VANGL1: variants seen among roughly 807,000 people sequenced by gnomAD.
VANGL1 encodes VANGL planar cell polarity protein 1, also known as vang-like protein 1.
A neutral mutation model predicts 48.4 loss-of-function variants in VANGL1; 18 were observed. The observed-to-expected ratio is 0.37, with a 90% CI of 0.26 to 0.55. The LOEUF is 0.55. VANGL1 is among the 20% of genes least tolerant of loss of function. VANGL1 has a pLI of 0.81. For missense variants in VANGL1, 667 were observed against 675.8 expected (o/e 0.99, Z 0.14); for synonymous variants, 257 against 261.8 (o/e 0.98, Z 0.18).
intron 4 of VANGL1, among the ~76,000 whole-genome samples, chr1:115,676,076 T>C (rs1385845245): frequency 1.3e-5 from 2 of 152,220 alleles, no homozygotes; most frequent in Admixed American, 1.3e-4. Context: ...CATTATAGTT[T>C]ATAAATGCCT....
At chr1:115,645,683 A>T (rs1381353987) in intron 1 of VANGL1, among the ~76,000 whole-genome samples, 2 of 152,244 alleles carry the variant, frequency 1.3e-5, no homozygotes, top group Admixed American at 6.5e-5. Flanking sequence ...CCATTTAATT[A>T]AGAATGGGTA....
chr1:115,690,373 C>T (rs1361825565), intron 7 of VANGL1, among the ~76,000 whole-genome samples: 1 of 152,188 alleles, frequency 6.6e-6, no homozygotes. Context: ...AGGAACAGCA[C>T]ATGTATCAGA....
chr1:115,643,858 C>T lies in VANGL1; in HGVS notation c.-138+1772C>T, dbSNP rs1223918825. ...ATCATCCCCTTAACACACTTATATACACACACTGTGCTTGCTACCCTAGGC... is the reference window on the plus strand; with the variant it reads ...ATCATCCCCTTAACACACTTATATATACACACTGTGCTTGCTACCCTAGGC... On this transcript the variant is annotated intron_variant, in intron 1 of 7. Coordinates refer to ENST00000355485, the MANE Select transcript of VANGL1 (RefSeq NM_138959.3). Among the ~76,000 whole-genome samples the T allele has an allele frequency of 2.0e-5, 3 of 152,302 alleles. No homozygotes were observed. In the East Asian group the frequency reaches 5.8e-4, roughly 29 times the overall value.
In VANGL1 at chr1:115,642,019, A is replaced by T. The variant is rs1470571580; in HGVS notation, c.-205A>T. On this transcript the variant is annotated 5_prime_UTR_variant, in exon 1 of 8. Transcript: ENST00000355485. ...CTCTGCCTCTCCAGGAGCCCAGCGC[A>T]GGCCGCAGAGCCGGGGCCGCTGTGA... The T allele has an allele frequency of 6.6e-6, 1 of 151,092 alleles. No individual in the cohort carries two copies. Among genetic ancestry groups the T allele is most frequent in the Non-Finnish European group, 1.5e-5 (1 of 67,622 alleles). 9.4% of individuals were successfully genotyped at this position (151,092 alleles called of 1,614,324 possible). A position where few individuals can be genotyped will look rare whatever the true frequency, so the allele number is the denominator to read the frequency against.
In VANGL1 at chr1:115,679,504, G is replaced by A. The variant is rs568257160; in HGVS notation, c.813-2860G>A. Among the ~76,000 whole-genome samples, 38 of 152,328 alleles carry A rather than the reference G, an allele frequency of 2.5e-4. 2 individuals carry two copies. The South Asian group carries it at 6.2e-3, about 25-fold the overall frequency. ...TTTGGAGAGCATCTGCTGAGGCCCC[G>A]TGCTGGAAGGCGGTGGGCCGGGAGC... is the stretch of plus-strand genomic sequence containing the variant. On this transcript the variant is annotated intron_variant, in intron 4 of 7. Transcript: ENST00000355485.
rs1339559930 is a variant in VANGL1 at position 115,697,462 on chromosome 1, G to A, written c.*6083G>A. The A allele has an allele frequency of 6.6e-6, 1 of 152,128 alleles. No homozygotes were observed. The highest frequency in any genetic ancestry group is 1.5e-5 in the Non-Finnish European group (1 of 68,016). The allele number at this position is 152,128 out of a possible 1,614,324, so 9.4% of individuals were successfully genotyped here. A position where few individuals can be genotyped will look rare whatever the true frequency, so the allele number is the denominator to read the frequency against. On this transcript the variant is annotated 3_prime_UTR_variant, in exon 8 of 8. Transcript: ENST00000355485. ...GGACCCCTAAGTTATGGCGTGATTA[G>A]CCAAATTTGATTTCCAACAGTCATT...
In VANGL1 at chr1:115,685,419, C is replaced by T. The variant is rs1371347871; in HGVS notation, c.1206C>T (p.Ala402=). Residue 402 remains alanine, a synonymous_variant, in exon 7 of 8, where the codon GCC becomes GCT. Transcript: ENST00000355485. ...CCCAGGCCATTTTCCCCTCCATGGC[C>T]AGGGCTCTCCAGAAGTACCTGCGCA... is the stretch of plus-strand genomic sequence containing the variant. ...EAAQAIFPSM[A]RALQKYLRIT... 6.2e-7 allele frequency: 1 copy of T among 1,614,048 alleles called. No homozygotes were observed. Among genetic ancestry groups the T allele is most frequent in the Admixed American group, 1.7e-5 (1 of 60,006 alleles).
At chr1:115,688,656 T>C (rs1653724158) in intron 7 of VANGL1, among the ~76,000 whole-genome samples, 1 of 138,508 alleles carries the variant, frequency 7.2e-6, no homozygotes, top group Non-Finnish European at 1.6e-5. Flanking sequence ...GGGTGTACTT[T>C]TGCATGCTTT....
chr1:115,673,688 C>T (rs1397506571), intron 4 of VANGL1, among the ~76,000 whole-genome samples: 1 of 148,708 alleles, frequency 6.7e-6, no homozygotes, highest in Admixed American at 6.8e-5. Context: ...CAACCTCTGT[C>T]TCCCAGGTTC....
In VANGL1 at chr1:115,691,992, A is replaced by G. The variant is rs887940786; in HGVS notation, c.*613A>G. 3.9e-5 allele frequency: 6 copies of G among 152,900 alleles called. No homozygotes were observed. The highest frequency in any genetic ancestry group is 3.9e-4 in the Admixed American group (6 of 15,296). 9.5% of individuals were successfully genotyped at this position (152,900 alleles called of 1,614,324 possible). A position where few individuals can be genotyped will look rare whatever the true frequency, so the allele number is the denominator to read the frequency against. On this transcript the variant is annotated 3_prime_UTR_variant, in exon 8 of 8. Transcript: ENST00000355485. The stretch of plus-strand genomic sequence containing the variant: ...TTGATTTTGTTTTTTTCCCAAAGAG[A>G]AAACCTACCTGCCCTGTTTCTGATC...
rs4839472 is a variant in VANGL1 at position 115,694,875 on chromosome 1, T to A, written c.*3496T>A. ...TGTGTAGCTCAGCAGATACGTGTCA[T>A]TGTGTATATAGCTGAGTGTGTGAGG... On this transcript the variant is annotated 3_prime_UTR_variant, in exon 8 of 8. Transcript: ENST00000355485. 0.31 allele frequency: 47,711 copies of A among 152,098 alleles called. 7,609 individuals carry two copies. Among genetic ancestry groups the A allele is most frequent in the Admixed American group, 0.38 (5,855 of 15,278 alleles). The allele number at this position is 152,098 out of a possible 1,614,324, so 9.4% of individuals were successfully genotyped here.
At position 115,663,724 on chromosome 1, in the gene VANGL1, G is replaced by A. The variant is rs753324964; in HGVS notation, c.268G>A (p.Glu90Lys). Residue 90 changes from glutamate (E) to lysine (K), a missense_variant, in exon 4 of 8, where the codon GAG (glutamate) becomes AAG (lysine). By Grantham distance (56) the Glu-to-Lys change is moderately conservative. Transcript: ENST00000355485. ...TGTSEHSISQEDIARISKDME... is the reference protein window; with the variant it reads ...TGTSEHSISQKDIARISKDME... ...CACCTCGGAGCACAGCATATCCCAA[G>A]AGGACATTGCCAGGATCAGCAAGGA... The A allele has an allele frequency of 1.9e-6, 3 of 1,614,204 alleles. No homozygotes were observed. The highest frequency in any genetic ancestry group is 2.5e-6 in the Non-Finnish European group (3 of 1,180,034).
In VANGL1 at chr1:115,663,592, G is replaced by A; in HGVS notation, c.205-69G>A. 3.1e-6 allele frequency: 5 copies of A among 1,609,824 alleles called. No homozygotes were observed. In the South Asian group the frequency reaches 3.3e-5, roughly 11 times the overall value. On this transcript the variant is annotated intron_variant, in intron 3 of 7. Transcript: ENST00000355485. ...TGGGTAGATGCAGCGGGCCCTGCAT[G>A]TTCACTGCCCTTTGTAGCTTTTACA...
intron 3 of VANGL1, among the ~76,000 whole-genome samples, chr1:115,660,274 G>A (rs1020471462): frequency 2.0e-5 from 3 of 152,186 alleles, no homozygotes; most frequent in African/African-American, 7.2e-5. Context: ...CTAGCTTTGG[G>A]TTAACAGCAA....
chr1:115,664,666 C>G (rs1652704827), intron 4 of VANGL1, among the ~76,000 whole-genome samples: 1 of 152,146 alleles, frequency 6.6e-6, no homozygotes, highest in African/African-American at 2.4e-5. Context: ...CATGTTGTCC[C>G]AGTGGAATAA....
intron 4 of VANGL1, among the ~76,000 whole-genome samples, chr1:115,675,611 C>A (rs1653132314): frequency 6.6e-6 from 1 of 151,606 alleles, no homozygotes; most frequent in African/African-American, 2.4e-5. Context: ...ACCAGCCTGG[C>A]CAACATGGCG....
At chr1:115,676,432 T>C (rs1570763011) in intron 4 of VANGL1, among the ~76,000 whole-genome samples, 1 of 152,146 alleles carries the variant, frequency 6.6e-6, no homozygotes, top group Non-Finnish European at 1.5e-5. Flanking sequence ...CTGGAGGAGG[T>C]TGGTACAGGC....
At position 115,685,500 on chromosome 1, in the gene VANGL1, C is replaced by G; in HGVS notation, c.1287C>G (p.Phe429Leu). The G allele has an allele frequency of 3.7e-6, 6 of 1,614,120 alleles. No individual in the cohort carries two copies. The highest frequency in any genetic ancestry group is 5.1e-6 in the Non-Finnish European group (6 of 1,180,034). ...AGAGCATCCTGCAGCACCTGGCCTTCTGCATCACCAACGGCATGACCCCCA... is the reference window on the plus strand; with the variant it reads ...AGAGCATCCTGCAGCACCTGGCCTTGTGCATCACCAACGGCATGACCCCCA... ...SMESILQHLAFCITNGMTPKA... is the reference protein window; with the variant it reads ...SMESILQHLALCITNGMTPKA... Residue 429 changes from phenylalanine to leucine, a missense_variant, in exon 7 of 8, where the codon TTC (phenylalanine) becomes TTG (leucine). Phe to Leu is a conservative substitution (Grantham distance 22, BLOSUM62 0). Transcript: ENST00000355485.
Position 115,691,519 on chromosome 1 carries a change from A to G in VANGL1, c.*140A>G. 3 of 941,648 alleles carry G rather than the reference A, an allele frequency of 3.2e-6. No individual in the cohort carries two copies. The highest frequency in any genetic ancestry group is 4.6e-6 in the Non-Finnish European group (3 of 654,364). 58.3% of individuals were successfully genotyped at this position (941,648 alleles called of 1,614,324 possible). A position where few individuals can be genotyped will look rare whatever the true frequency, so the allele number is the denominator to read the frequency against. On this transcript the variant is annotated 3_prime_UTR_variant, in exon 8 of 8. Transcript: ENST00000355485. Reference sequence around the variant, plus strand: ...GCAGATGATTGACCAGTATCCTTTGACCATCTGCACTTTATTTGGAAGGAA... The same window carrying G: ...GCAGATGATTGACCAGTATCCTTTGGCCATCTGCACTTTATTTGGAAGGAA...
Sources: gnomAD v4.1 joint callset for allele counts (sites outside exome capture counted in the v4.1 genomes callset) on GRCh38, gnomAD v4.1.1 for gene constraint, MANE v1.5 for transcripts, NCBI Gene and HGNC (gene_info 2026-07-23, HGNC 2026-07-21) for gene names.